KATNIP: variants seen among roughly 807,000 people sequenced by gnomAD.
KATNIP encodes katanin interacting protein, also known as katanin-interacting protein.
KATNIP carries 126 observed loss-of-function variants against 174.0 expected under a neutral mutation model. The observed-to-expected ratio is 0.72, with a 90% confidence interval of 0.63 to 0.84. The LOEUF is 0.84. KATNIP is among the 40% of genes least tolerant of loss of function. KATNIP has a pLI of 0.00. For missense variants in KATNIP, 1,958 were observed against 2,109.7 expected (o/e 0.93, Z 1.41); for synonymous variants, 810 against 835.7 (o/e 0.97, Z 0.53).
chr16:27,768,640 G>A (rs1045440054), intron 20 of KATNIP, among the ~76,000 whole-genome samples: 4 of 152,190 alleles, frequency 2.6e-5, no homozygotes, highest in African/African-American at 9.6e-5. Flanking sequence ...GGGGGCCCAG[G>A]TAGGAATCCC....
rs747382786 is a variant in KATNIP at position 27,579,222 on chromosome 16, G to T, written c.63+5266G>T. Among the ~76,000 whole-genome samples the T allele has an allele frequency of 2.3e-4, 35 of 152,294 alleles. 1 individual carries two copies. The highest frequency in any genetic ancestry group is 8.4e-4 in the African/African-American group (35 of 41,554). On this transcript the variant is annotated intron_variant, in intron 2 of 27. Coordinates refer to ENST00000261588, the MANE Select transcript of KATNIP (RefSeq NM_015202.5). ...GCACTGTGGGGCTCATGAGCATGGC[G>T]CTGGGGACATGTCCCCTTACTGCTC...
chr16:27,642,614 A>T (rs990718687), intron 5 of KATNIP, among the ~76,000 whole-genome samples: 1 of 152,100 alleles, frequency 6.6e-6, no homozygotes. Context: ...AGGGTAACAC[A>T]TGTGCTAAGA....
chr16:27,754,131 A>G (rs751766182), intron 17 of KATNIP, 42 bp from the exon 18 acceptor site: 1 of 1,562,096 alleles, frequency 6.4e-7, no homozygotes, highest in South Asian at 1.1e-5. Flanking sequence ...GGGTATCACT[A>G]AAACCACCCC....
chr16:27,651,293 T>TC (rs1182971867), intron 6 of KATNIP, among the ~76,000 whole-genome samples: 1 of 152,184 alleles, frequency 6.6e-6, no homozygotes, highest in African/African-American at 2.4e-5. Flanking sequence ...TTCTTTTTTT[T>TC]CCCCATCTTG....
In KATNIP at chr16:27,773,180, G is replaced by A. The variant is rs768882912; in HGVS notation, c.4280G>A (p.Arg1427Gln). 8.1e-6 allele frequency: 13 copies of A among 1,611,504 alleles called. No homozygotes were observed. The highest frequency in any genetic ancestry group is 3.3e-5 in the South Asian group (3 of 90,402). ...GLTGLELYDE[R>Q]GEKIPLSENN... The stretch of plus-strand genomic sequence containing the variant: ...ACCGGCCTGGAGCTGTATGACGAGC[G>A]AGGAGAAAAAATCCCCTTGTCGGAA... The change falls in exon 23 of 28, where the codon CGA becomes CAA. Residue 1427 changes from arginine to glutamine, a missense_variant. By Grantham distance (43) the Arg-to-Gln change is conservative. Coordinates refer to ENST00000261588, the MANE Select transcript of KATNIP (RefSeq NM_015202.5).
intron 6 of KATNIP, among the ~76,000 whole-genome samples, chr16:27,654,094 G>A (rs2077194843): frequency 6.6e-6 from 1 of 152,192 alleles, no homozygotes. Context: ...TTCTGCCTCA[G>A]CCTGTCATGT....
intron 5 of KATNIP, chr16:27,643,256 T>A (rs1449051011): frequency 1.3e-5 from 2 of 152,242 alleles, no homozygotes; most frequent in Admixed American, 1.3e-4. Flanking sequence ...GCAAGTGGCC[T>A]ACACCCTTGT....
intron 13 of KATNIP, among the ~76,000 whole-genome samples, chr16:27,717,630 A>G (rs2080014234): frequency 6.6e-6 from 1 of 151,976 alleles, no homozygotes; most frequent in African/African-American, 2.4e-5. Context: ...GACCCTGTAC[A>G]GTGTTTGTTG....
At chr16:27,748,379 G>A (rs2081370650) in intron 15 of KATNIP, among the ~76,000 whole-genome samples, 1 of 152,198 alleles carries the variant, frequency 6.6e-6, no homozygotes, top group Non-Finnish European at 1.5e-5. Flanking sequence ...TGAGCCCAGA[G>A]TTCAAGACCA....
intron 14 of KATNIP, among the ~76,000 whole-genome samples, chr16:27,730,352 C>T (rs1477327608): frequency 6.6e-6 from 1 of 152,084 alleles, no homozygotes; most frequent in Admixed American, 6.5e-5. Context: ...TAGAGGATCC[C>T]ACATTTACAC....
chr16:27,776,680 T>C lies in KATNIP; in HGVS notation c.4450-248T>C, dbSNP rs2287789. 0.051 allele frequency among the ~76,000 whole-genome samples: 7,707 copies of C among 152,192 alleles called. 371 individuals carry two copies. Among genetic ancestry groups the C allele is most frequent in the African/African-American group, 0.12 (4,992 of 41,488 alleles). ...CCTCCACTGGCATTTAAATGAGGGC[T>C]CCGACAGGCCCAAGAACACAGGCCC... On this transcript the variant is annotated intron_variant, in intron 24 of 27. Coordinates refer to ENST00000261588, the MANE Select transcript of KATNIP (RefSeq NM_015202.5). This position sits in a 1 kb window ranked among gnomAD's most constrained non-coding sequence, Gnocchi z 4.7.
chr16:27,578,117 TCCAATGTGCAG>T (rs1016240644), intron 2 of KATNIP, among the ~76,000 whole-genome samples: 1 of 152,060 alleles, frequency 6.6e-6, no homozygotes, highest in Non-Finnish European at 1.5e-5. Flanking sequence ...CCTAAGTGGT[TCCAATGTGCAG>T]CCATGCATGA....
At chr16:27,622,666 CT>C (rs975510505) in intron 3 of KATNIP, among the ~76,000 whole-genome samples, 1 of 152,286 alleles carries the variant, frequency 6.6e-6, no homozygotes, top group South Asian at 2.1e-4. Context: ...TCAAGGGAAA[CT>C]TACAGGAAAA....
At chr16:27,696,440 C>T (rs1169065167) in intron 8 of KATNIP, among the ~76,000 whole-genome samples, 5 of 152,030 alleles carry the variant, frequency 3.3e-5, no homozygotes, top group Admixed American at 3.3e-4. Context: ...ATTTCATCAC[C>T]CAGGTAATAA....
At position 27,779,987 on chromosome 16, in the gene KATNIP, T is replaced by C. The variant is rs1392189444; in HGVS notation, c.*1358T>C. ...ACGGGGCTGATGTGAAGATAAGAAT[T>C]GTTTCTCCTGGAGAAAGATCCATCA... On this transcript the variant is annotated 3_prime_UTR_variant, in exon 28 of 28. Coordinates refer to ENST00000261588, the MANE Select transcript of KATNIP (RefSeq NM_015202.5). The C allele has an allele frequency of 6.6e-6, 1 of 152,046 alleles. No homozygotes were observed. Among genetic ancestry groups the C allele is most frequent in the East Asian group, 1.9e-4 (1 of 5,184 alleles). The allele number at this position is 152,046 out of a possible 1,614,324, so 9.4% of individuals were successfully genotyped here.
At chr16:27,688,294 A>C (rs1260490084) in intron 8 of KATNIP, among the ~76,000 whole-genome samples, 1 of 152,048 alleles carries the variant, frequency 6.6e-6, no homozygotes, top group African/African-American at 2.4e-5. Flanking sequence ...TAAAATAATA[A>C]TTAAAATAAT....
intron 19 of KATNIP, 66 bp downstream of exon 19, chr16:27,761,656 A>C: frequency 7.2e-7 from 1 of 1,383,292 alleles, no homozygotes; most frequent in South Asian, 1.2e-5. Context: ...TCTGCCTCTG[A>C]GACTTCAGAT....
intron 7 of KATNIP, among the ~76,000 whole-genome samples, chr16:27,679,319 CT>C (rs558444495): frequency 2.1e-3 from 317 of 152,268 alleles, no homozygotes; most frequent in African/African-American, 7.2e-3. Flanking sequence ...CTGTGTGTGT[CT>C]GTGTCCTAAT....
At chr16:27,596,731 A>C (rs1391669049) in intron 2 of KATNIP, among the ~76,000 whole-genome samples, 5 of 152,184 alleles carry the variant, frequency 3.3e-5, no homozygotes, top group African/African-American at 1.2e-4. Flanking sequence ...TTCCACAAAA[A>C]ATAAAAATAG....
Sources: gnomAD v4.1 joint callset for allele counts (sites outside exome capture counted in the v4.1 genomes callset) on GRCh38, gnomAD v4.1.1 for gene constraint, Gnocchi (gnomAD v3.1) non-coding constraint, MANE v1.5 for transcripts, NCBI Gene and HGNC (gene_info 2026-07-23, HGNC 2026-07-21) for gene names.